The following SYT17 variants were observed in gnomAD, a reference collection of about 807,000 sequenced individuals.
SYT17 encodes synaptotagmin-17.
A neutral mutation model predicts 46.7 loss-of-function variants in SYT17; 22 were observed. That is an observed-to-expected ratio of 0.47 (90% CI 0.34 to 0.67). The LOEUF (loss-of-function observed/expected upper bound fraction) is 0.67. SYT17 is among the 30% of genes least tolerant of loss of function. SYT17 has a pLI of 0.01. For synonymous variants in SYT17, 251 were observed against 248.4 expected, an observed-to-expected ratio of 1.01 and a Z score of -0.10; for missense variants, 519 against 612.8, an observed-to-expected ratio of 0.85 and a Z score of 1.62.
chr16:19,226,843 G>C (rs935544224), intron 7 of SYT17, among the ~76,000 whole-genome samples: 1 of 152,222 alleles, frequency 6.6e-6, no homozygotes, highest in Non-Finnish European at 1.5e-5. Flanking sequence ...GGGAAACTGA[G>C]AGCCCCCATG....
chr16:19,211,108 A>G (rs527437276), intron 5 of SYT17: 4 of 265,952 alleles, frequency 1.5e-5, no homozygotes, highest in Middle Eastern at 1.1e-3. Context: ...CAGATTGTCT[A>G]TTTTGGTTCT....
intron 7 of SYT17, among the ~76,000 whole-genome samples, chr16:19,264,269 G>T (rs1174587540): frequency 6.6e-6 from 1 of 152,124 alleles, no homozygotes; most frequent in Non-Finnish European, 1.5e-5. Context: ...CATCAACTCT[G>T]CCCTTTTTGC....
intron 7 of SYT17, among the ~76,000 whole-genome samples, chr16:19,231,325 C>G (rs902170555): frequency 1.3e-5 from 2 of 152,076 alleles, no homozygotes; most frequent in African/African-American, 2.4e-5. Flanking sequence ...AATTCCAACA[C>G]TGTGGGAGGC....
intron 5 of SYT17, among the ~76,000 whole-genome samples, chr16:19,219,856 TTTTTGTTTTG>T (rs533510663): frequency 5.1e-4 from 78 of 152,252 alleles, no homozygotes; most frequent in African/African-American, 1.8e-3. Context: ...TTCTGTTTTG[TTTTTGTTTTG>T]TTTTGTTTTG....
intron 7 of SYT17, among the ~76,000 whole-genome samples, chr16:19,226,844 A>G (rs1259979301): frequency 6.6e-6 from 1 of 152,228 alleles, no homozygotes; most frequent in East Asian, 1.9e-4. Flanking sequence ...GGAAACTGAG[A>G]GCCCCCATGG....
rs112301431 is a variant in SYT17 at position 19,168,358 on chromosome 16, T to C, written c.-289T>C. The C allele has an allele frequency of 1.0e-5, 5 of 484,400 alleles. No individual in the cohort carries two copies. The highest frequency in any genetic ancestry group is 6.2e-5 in the African/African-American group (3 of 48,088). The allele number at this position is 484,400 out of a possible 1,614,324, so 30.0% of individuals were successfully genotyped here. ...TATTCCAGCCTGGGGAGCGCCTCGG[T>C]GGGGAGCACGGGACAGCGAGGGAGG... On this transcript the variant is annotated 5_prime_UTR_variant, in exon 1 of 8. Coordinates refer to ENST00000355377, the MANE Select transcript of SYT17 (RefSeq NM_016524.4). This position sits in a 1 kb window ranked among gnomAD's most constrained non-coding sequence, Gnocchi z 6.9.
At chr16:19,196,194 T>A (rs1157467322) in intron 5 of SYT17, among the ~76,000 whole-genome samples, 1 of 152,092 alleles carries the variant, frequency 6.6e-6, no homozygotes, top group Non-Finnish European at 1.5e-5. Flanking sequence ...TGCTTCAATT[T>A]ATACTACTTT....
At chr16:19,264,073 T>G (rs898835557) in intron 7 of SYT17, among the ~76,000 whole-genome samples, 2 of 152,208 alleles carry the variant, frequency 1.3e-5, no homozygotes, top group Admixed American at 6.6e-5. Flanking sequence ...AGCCTGTCCC[T>G]TCCACCATGT....
chr16:19,255,621 T>TA (rs929230943), intron 7 of SYT17, among the ~76,000 whole-genome samples: 91 of 149,286 alleles, frequency 6.1e-4, no homozygotes, highest in South Asian at 1.9e-3. Flanking sequence ...ACCCCATGTC[T>TA]AAAAAAAAAA....
At chr16:19,197,426 T>TTTG (rs1965292152) in intron 5 of SYT17, among the ~76,000 whole-genome samples, 2 of 150,404 alleles carry the variant, frequency 1.3e-5, no homozygotes, top group East Asian at 3.9e-4. Context: ...TTTTGTTTTG[T>TTTG]TTTGTTTGTT....
intron 7 of SYT17, among the ~76,000 whole-genome samples, chr16:19,250,530 A>G (rs895506944): frequency 6.6e-6 from 1 of 151,956 alleles, no homozygotes; most frequent in Non-Finnish European, 1.5e-5. Flanking sequence ...GGGGCACCCC[A>G]CTACATTCAG....
intron 5 of SYT17, chr16:19,211,518 G>C (rs1209138791): frequency 2.8e-6 from 2 of 702,396 alleles, no homozygotes; most frequent in Non-Finnish European, 5.2e-6. Context: ...AGGCAGAGGG[G>C]TGTTTTCAAC....
intron 5 of SYT17, among the ~76,000 whole-genome samples, chr16:19,207,161 A>G (rs776698465): frequency 6.6e-6 from 1 of 152,154 alleles, no homozygotes; most frequent in Non-Finnish European, 1.5e-5. Context: ...CCTTCTGACA[A>G]AAGTAGAAGC....
chr16:19,206,242 G>A (rs1356847083), intron 5 of SYT17, among the ~76,000 whole-genome samples: 2 of 152,178 alleles, frequency 1.3e-5, no homozygotes, highest in African/African-American at 2.4e-5. Context: ...AAGCTAGAAG[G>A]TAAGAGGAAG....
chr16:19,173,763 C>T (rs952044151), intron 3 of SYT17, among the ~76,000 whole-genome samples, 185 bp downstream of exon 3: 17 of 152,114 alleles, frequency 1.1e-4, no homozygotes, highest in African/African-American at 3.4e-4. Context: ...TCATTTTGTT[C>T]GGCAAGCTGG....
At chr16:19,199,740 A>AAAACAAAC (rs76671089) in intron 5 of SYT17, among the ~76,000 whole-genome samples, 1 of 151,570 alleles carries the variant, frequency 6.6e-6, no homozygotes, top group African/African-American at 2.4e-5. Context: ...CTGTCTCAAG[A>AAAACAAAC]AAACAAACAA....
At chr16:19,192,482 G>A (rs1965065136) in intron 5 of SYT17, among the ~76,000 whole-genome samples, 1 of 152,100 alleles carries the variant, frequency 6.6e-6, no homozygotes. Context: ...CCAACACTTT[G>A]GGAAGCCAAG....
chr16:19,208,554 C>T (rs1000290136), intron 5 of SYT17, among the ~76,000 whole-genome samples: 1 of 152,164 alleles, frequency 6.6e-6, no homozygotes, highest in African/African-American at 2.4e-5. Context: ...AAATCCACCC[C>T]ACAATCCAAT....
intron 7 of SYT17, among the ~76,000 whole-genome samples, chr16:19,258,992 C>A (rs1212769124): frequency 6.6e-6 from 1 of 152,184 alleles, no homozygotes; most frequent in African/African-American, 2.4e-5. Context: ...GTTTCCCCAA[C>A]TTGAATTGCT....
Sources: gnomAD v4.1 joint callset for allele counts (sites outside exome capture counted in the v4.1 genomes callset) on GRCh38, gnomAD v4.1.1 for gene constraint, Gnocchi (gnomAD v3.1) non-coding constraint, MANE v1.5 for transcripts, NCBI Gene and HGNC (gene_info 2026-07-23, HGNC 2026-07-21) for gene names.